Variants in VWF observed in about 807,000 individuals in gnomAD.
The protein encoded by VWF is Factor VIII related antigen.
Under a neutral mutation model 308.6 loss-of-function variants are expected in VWF, and 176 were observed. The observed-to-expected ratio is 0.57, with a 90% CI of 0.50 to 0.65. The LOEUF is 0.65. Ranked by LOEUF, VWF falls within the 30% of genes least tolerant of loss-of-function variation. The pLI, the probability that VWF is intolerant of heterozygous loss-of-function variation, is 0.00. For synonymous variants in VWF, 1,385 were observed against 1,443.4 expected, an observed-to-expected ratio of 0.96 and a Z score of 0.92; for missense variants, 3,146 against 3,648.2, an observed-to-expected ratio of 0.86 and a Z score of 3.55.
At chr12:5,956,581 G>T (rs1943253182) in intron 47 of VWF, among the ~76,000 whole-genome samples, 1 of 151,348 alleles carries the variant, frequency 6.6e-6, no homozygotes, top group Admixed American at 6.6e-5. Flanking sequence ...AGTTTAAGCT[G>T]CAATGAGCTA....
chr12:6,121,310 G>A lies in VWF; in HGVS notation c.84C>T (p.Gly28=). The A allele has an allele frequency of 6.2e-7, 1 of 1,614,212 alleles. No individual in the cohort carries two copies. Among genetic ancestry groups the A allele is most frequent in the South Asian group, 1.1e-5 (1 of 91,078 alleles). The part of the protein sequence containing the change: ...PGTLCAEGTR[G]RSSTARCSLF... The stretch of plus-strand genomic sequence containing the variant: ...GGCTGCATCGGGCCGTGGATGACCT[G>A]CCGCGAGTTCCTTCTGCACAAAGGG... Residue 28 remains glycine, a synonymous_variant, in exon 3 of 52, where the codon GGC becomes GGT. Transcript: ENST00000261405.
chr12:6,034,264 T>C (rs1944307627), intron 20 of VWF, among the ~76,000 whole-genome samples: 1 of 152,186 alleles, frequency 6.6e-6, no homozygotes, highest in Non-Finnish European at 1.5e-5. Flanking sequence ...CTGCAGACTG[T>C]GCACTGCCCA....
chr12:5,958,303 A>C (rs752163064), intron 47 of VWF, among the ~76,000 whole-genome samples: 46 of 152,238 alleles, frequency 3.0e-4, no homozygotes, highest in Non-Finnish European at 4.7e-4. Flanking sequence ...TGTTGTTTTC[A>C]AGAGACGCAC....
intron 18 of VWF, among the ~76,000 whole-genome samples, chr12:6,042,187 T>C (rs1317380347): frequency 6.6e-6 from 1 of 152,096 alleles, no homozygotes; most frequent in Non-Finnish European, 1.5e-5. Flanking sequence ...CTGCACCCCA[T>C]TCCTGCTCTT....
intron 20 of VWF, among the ~76,000 whole-genome samples, chr12:6,032,891 TACAC>T (rs1172708384): frequency 7.8e-6 from 1 of 127,936 alleles, no homozygotes; most frequent in African/African-American, 3.1e-5. Context: ...CACACACGCA[TACAC>T]ATACATACAC....
At chr12:6,006,404 C>A (rs781466563) in intron 34 of VWF, among the ~76,000 whole-genome samples, 1 of 152,134 alleles carries the variant, frequency 6.6e-6, no homozygotes, top group Non-Finnish European at 1.5e-5. Flanking sequence ...AAGTCCTTCC[C>A]TATCCATAGT....
chr12:6,090,517 T>C (rs1484361663), intron 6 of VWF, among the ~76,000 whole-genome samples: 2 of 152,182 alleles, frequency 1.3e-5, no homozygotes, highest in Non-Finnish European at 2.9e-5. Context: ...CTTGTCCTGC[T>C]TCTGCCGGCT....
At chr12:5,960,824 GAAC>G (rs1943305486) in intron 47 of VWF, among the ~76,000 whole-genome samples, 1 of 152,186 alleles carries the variant, frequency 6.6e-6, no homozygotes, top group South Asian at 2.1e-4. Context: ...AAATAGATGA[GAAC>G]TTCTTCAATA....
chr12:6,023,293 G>A (rs1295390193), intron 25 of VWF, among the ~76,000 whole-genome samples: 2 of 152,158 alleles, frequency 1.3e-5, no homozygotes, highest in Non-Finnish European at 2.9e-5. Flanking sequence ...GAATGTATGA[G>A]TTGATCACTC....
At chr12:6,034,572 G>C (rs1212714025) in intron 20 of VWF, 116 bp downstream of exon 20, 3 of 1,529,146 alleles carry the variant, frequency 2.0e-6, no homozygotes, top group Non-Finnish European at 2.7e-6. Context: ...TACTCCAGTA[G>C]AAACCAGACC....
chr12:5,953,812 G>C (rs978110163), intron 47 of VWF: 8 of 586,282 alleles, frequency 1.4e-5, no homozygotes, highest in Admixed American at 2.8e-5. Context: ...AGTTGTAGCA[G>C]CCAGTCCTAT....
At chr12:6,123,311 A>T in intron 1 of VWF, 115 bp from the exon 2 acceptor site, 2 of 1,275,208 alleles carry the variant, frequency 1.6e-6, no homozygotes, top group Admixed American at 1.8e-5. Context: ...AGGAGAAAAG[A>T]TTGATCCTCG....
intron 15 of VWF, among the ~76,000 whole-genome samples, chr12:6,055,758 G>T (rs566799618): frequency 0.04 from 878 of 21,902 alleles, 7 homozygotes; most frequent in South Asian, 0.13. Flanking sequence ...ATATATATAT[G>T]TATACACACA....
rs1407720910 is a variant in VWF at position 6,052,545 on chromosome 12, C to T, written c.2184G>A (p.Met728Ile). ...PEDIFSDHHT[M>I]CYCEDGFMHC... Reference sequence around the variant, plus strand: ...CTGACACTGCTGCCTGCACTTACCACATGGTGTGATGGTCTGAGAAGATGT... The same window carrying T: ...CTGACACTGCTGCCTGCACTTACCATATGGTGTGATGGTCTGAGAAGATGT... The change falls in exon 16 of 52, where the codon ATG (methionine) becomes ATA (isoleucine). Residue 728 changes from methionine (M) to isoleucine (I), a missense_variant and splice_region_variant. By Grantham distance (10) the Met-to-Ile change is conservative. Transcript: ENST00000261405. 6.2e-7 allele frequency: 1 copy of T among 1,614,224 alleles called. No homozygotes were observed. The highest frequency in any genetic ancestry group is 1.1e-5 in the South Asian group (1 of 91,082).
intron 15 of VWF, among the ~76,000 whole-genome samples, chr12:6,054,491 C>A (rs1434928527): frequency 6.6e-6 from 1 of 152,158 alleles, no homozygotes; most frequent in Non-Finnish European, 1.5e-5. Context: ...TGGCTTGGAG[C>A]CTTATTAAAT....
At position 6,011,810 on chromosome 12, in the gene VWF, G is replaced by A. The variant is rs1198596344; in HGVS notation, c.5665-16C>T. ...CGTCCCCGGGCTGCAGAAGAAAACA[G>A]CAGATTCAGGCAGGGAATAAGATGA... On this transcript the variant is annotated splice_polypyrimidine_tract_variant and intron_variant, in intron 33 of 51. Transcript: ENST00000261405. 6.3e-7 allele frequency: 1 copy of A among 1,575,290 alleles called. No individual in the cohort carries two copies. The highest frequency in any genetic ancestry group is 2.2e-5 in the East Asian group (1 of 44,608).
chr12:5,985,652 C>T lies in VWF; in HGVS notation c.6812G>A (p.Trp2271Ter). The T allele has an allele frequency of 1.2e-6, 2 of 1,614,102 alleles. No individual in the cohort carries two copies. Among genetic ancestry groups the T allele is most frequent in the Non-Finnish European group, 1.7e-6 (2 of 1,180,026 alleles). The part of the protein sequence containing the change: ...DGVQHQFLEA[W>*]VPDHQPCQIC... ...CTGACAGGGCTGGTGGTCCGGGACC[C>T]AGGCTTCCAGGAACTGAGGGCAAAG... Residue 2271 changes from tryptophan to a stop codon, truncating the protein, a stop_gained, in exon 39 of 52, where the codon TGG becomes TAG. Coordinates refer to ENST00000261405, the MANE Select transcript of VWF (RefSeq NM_000552.5). LOFTEE classifies it high-confidence loss of function.
At chr12:6,107,948 G>A (rs1007375706) in intron 5 of VWF, among the ~76,000 whole-genome samples, 9 of 151,508 alleles carry the variant, frequency 5.9e-5, no homozygotes, top group Non-Finnish European at 1.3e-4. Context: ...TTGAGCCACC[G>A]CACCCAGCCG....
rs1344449213 is a variant in VWF, at chr12:6,034,785, C to A, written c.2588G>T (p.Cys863Phe). The change falls in exon 20 of 52, where the codon TGT (cysteine) becomes TTT (phenylalanine). Residue 863 changes from cysteine (C) to phenylalanine (F), a missense_variant. Around this residue, in one of 3 missense-constraint regions of VWF, gnomAD observed 1,304 missense variants for 1,353.0 expected, o/e 0.96. Coordinates refer to ENST00000261405, the MANE Select transcript of VWF (RefSeq NM_000552.5). ...DRKWNCTDHVCDATCSTIGMA... is the reference protein window; with the variant it reads ...DRKWNCTDHVFDATCSTIGMA... ...GCCGATCGTGGAGCACGTGGCATCA[C>A]ACACATGGTCTGTGCAGTTCCACTT... The A allele has an allele frequency of 6.2e-7, 1 of 1,614,276 alleles. No homozygotes were observed. The highest frequency in any genetic ancestry group is 2.2e-5 in the East Asian group (1 of 44,888).
Sources: allele counts gnomAD v4.1 joint callset (sites outside exome capture counted in the v4.1 genomes callset), GRCh38; gene constraint gnomAD v4.1.1; regional missense constraint gnomAD v4.1.1; transcripts MANE v1.5; gene names NCBI Gene and HGNC (gene_info 2026-07-23, HGNC 2026-07-21).